Variants in RAP1GDS1 observed in about 807,000 individuals in gnomAD.
RAP1GDS1 encodes the protein RAP1, GTP-GDP dissociation stimulator 1.
Under a neutral mutation model 71.1 loss-of-function variants are expected in RAP1GDS1, and 35 were observed. That is an observed-to-expected ratio of 0.49 (90% CI 0.38 to 0.65). RAP1GDS1 has a LOEUF of 0.65. RAP1GDS1 is among the 30% of genes least tolerant of loss of function. The pLI, the probability that RAP1GDS1 is intolerant of heterozygous loss-of-function variation, is 0.00. For missense variants in RAP1GDS1, 663 were observed against 706.1 expected (o/e 0.94, Z 0.69); for synonymous variants, 229 against 243.1 (o/e 0.94, Z 0.54).
At position 98,416,847 on chromosome 4, in the gene RAP1GDS1, T is replaced by C. The variant is rs1216561255; in HGVS notation, c.866T>C (p.Leu289Pro). The stretch of plus-strand genomic sequence containing the variant: ...GACAAAGAAGATGATATTACTGAGC[T>C]CAAAACTGGTTCAGATCTCATGGTT... ...DSDKEDDITE[L>P]KTGSDLMVLL... The change falls in exon 8 of 15, where the codon CTC (leucine) becomes CCC (proline). Residue 289 changes from leucine (L) to proline (P), a missense_variant. Coordinates refer to ENST00000408927, the MANE Select transcript of RAP1GDS1 (RefSeq NM_001100427.2). The C allele has an allele frequency of 6.2e-7, 1 of 1,614,060 alleles. No individual in the cohort carries two copies. Among genetic ancestry groups the C allele is most frequent in the Non-Finnish European group, 8.5e-7 (1 of 1,179,958 alleles).
intron 1 of RAP1GDS1, among the ~76,000 whole-genome samples, chr4:98,279,066 C>CA (rs1234049919): frequency 1.3e-5 from 2 of 151,710 alleles, no homozygotes; most frequent in Admixed American, 6.6e-5. Context: ...ACTAAAAATA[C>CA]AAAAAAAATT....
intron 4 of RAP1GDS1, among the ~76,000 whole-genome samples, chr4:98,356,247 C>G (rs1353754990): frequency 6.6e-6 from 1 of 151,920 alleles, no homozygotes; most frequent in Non-Finnish European, 1.5e-5. Context: ...TGCCTTTGGC[C>G]TATTTACACT....
rs368609477 is a variant in RAP1GDS1 at position 98,404,618 on chromosome 4, G to A, written c.763+16G>A. On this transcript the variant is annotated intron_variant, in intron 7 of 14. Coordinates refer to ENST00000408927, the MANE Select transcript of RAP1GDS1 (RefSeq NM_001100427.2). ...GCAGAAAATGGTGAGAAACTTAAAT[G>A]CACCTTTGGATTTTTGATCATGTAT... 8.8e-6 allele frequency: 14 copies of A among 1,594,732 alleles called. No individual in the cohort carries two copies. The highest frequency in any genetic ancestry group is 1.2e-5 in the South Asian group (1 of 86,614).
intron 4 of RAP1GDS1, among the ~76,000 whole-genome samples, chr4:98,375,172 T>G (rs1740986780): frequency 6.6e-6 from 1 of 152,044 alleles, no homozygotes. Flanking sequence ...AGGAGGACAT[T>G]TTTGCCTCTT....
intron 1 of RAP1GDS1, among the ~76,000 whole-genome samples, chr4:98,281,408 TTGTC>T (rs1725078362): frequency 6.6e-6 from 1 of 151,876 alleles, no homozygotes; most frequent in South Asian, 2.1e-4. Flanking sequence ...ATTTGGCTGT[TTGTC>T]TGTTATTGGT....
chr4:98,328,227 A>G (rs964720936), intron 2 of RAP1GDS1, among the ~76,000 whole-genome samples: 2 of 152,234 alleles, frequency 1.3e-5, no homozygotes, highest in Non-Finnish European at 2.9e-5. Context: ...CAGTTGATAC[A>G]AAAAGATCTC....
intron 4 of RAP1GDS1, among the ~76,000 whole-genome samples, chr4:98,364,302 C>T (rs762635393): frequency 5.9e-5 from 9 of 151,926 alleles, no homozygotes; most frequent in Non-Finnish European, 1.2e-4. Flanking sequence ...TAGTTTTTTA[C>T]GTAGGAGGGA....
At chr4:98,341,574 A>G (rs1735508349) in intron 2 of RAP1GDS1, among the ~76,000 whole-genome samples, 1 of 152,218 alleles carries the variant, frequency 6.6e-6, no homozygotes, top group Non-Finnish European at 1.5e-5. Context: ...CTGTCATCCC[A>G]GTACCAGCAG....
At chr4:98,300,422 C>T (rs115694681) in intron 2 of RAP1GDS1, among the ~76,000 whole-genome samples, 3,275 of 148,214 alleles carry the variant, frequency 0.022, 126 homozygotes, top group African/African-American at 0.074. Context: ...TTTTTTGAGG[C>T]GGAGTCTTGC....
chr4:98,293,084 T>C (rs149324288), intron 1 of RAP1GDS1, among the ~76,000 whole-genome samples: 99 of 152,292 alleles, frequency 6.5e-4, no homozygotes, highest in African/African-American at 2.2e-3. Flanking sequence ...TTTATGAACA[T>C]TTAATTTTTC....
intron 2 of RAP1GDS1, among the ~76,000 whole-genome samples, chr4:98,303,627 A>AGTAAT (rs1553965663): frequency 9.9e-5 from 14 of 141,332 alleles, no homozygotes; most frequent in African/African-American, 3.6e-4. Context: ...GTAAATTAAT[A>AGTAAT]ATAATATAAT....
At chr4:98,287,381 C>G (rs575924153) in intron 1 of RAP1GDS1, among the ~76,000 whole-genome samples, 4 of 152,086 alleles carry the variant, frequency 2.6e-5, no homozygotes, top group African/African-American at 7.2e-5. Flanking sequence ...ACACATAGGA[C>G]AGGTTGATTA....
chr4:98,438,030 C>T (rs1751382983), intron 14 of RAP1GDS1, among the ~76,000 whole-genome samples: 1 of 151,966 alleles, frequency 6.6e-6, no homozygotes, highest in African/African-American at 2.4e-5. Context: ...GTTGAAGTCT[C>T]CCACTGTAGA....
intron 2 of RAP1GDS1, among the ~76,000 whole-genome samples, chr4:98,335,251 T>C (rs1176744564): frequency 6.6e-6 from 1 of 152,164 alleles, no homozygotes; most frequent in Non-Finnish European, 1.5e-5. Flanking sequence ...GGCTTTTAAT[T>C]AATCATTCTG....
At chr4:98,439,685 C>A (rs546471631) in intron 14 of RAP1GDS1, among the ~76,000 whole-genome samples, 10 of 152,054 alleles carry the variant, frequency 6.6e-5, no homozygotes, top group Admixed American at 2.6e-4. Context: ...TTCCCTTGTC[C>A]CCTCTATTCT....
chr4:98,437,075 ATTC>A lies in RAP1GDS1; in HGVS notation c.1696+12_1696+14del. On this transcript the variant is annotated splice_region_variant and intron_variant, in intron 14 of 14. Coordinates refer to ENST00000408927, the MANE Select transcript of RAP1GDS1 (RefSeq NM_001100427.2). Reference sequence around the variant, plus strand: ...TGTGCTCTTATGGGATCTGGTAAGTATTCTTCTATCATTTGATGTCCATAAACA... The same window carrying A: ...TGTGCTCTTATGGGATCTGGTAAGTATTCTATCATTTGATGTCCATAAACA... 6.3e-7 allele frequency: 1 copy of A among 1,583,250 alleles called. No homozygotes were observed. Among genetic ancestry groups the A allele is most frequent in the South Asian group, 1.2e-5 (1 of 84,808 alleles).
chr4:98,430,107 A>G (rs145456554), intron 12 of RAP1GDS1, among the ~76,000 whole-genome samples: 114 of 152,208 alleles, frequency 7.5e-4, no homozygotes, highest in Non-Finnish European at 1.4e-3. Flanking sequence ...CTTCTCGCCC[A>G]TCCCCGAAAA....
At chr4:98,375,845 G>A (rs1416518537) in intron 4 of RAP1GDS1, among the ~76,000 whole-genome samples, 1 of 152,138 alleles carries the variant, frequency 6.6e-6, no homozygotes, top group African/African-American at 2.4e-5. Flanking sequence ...AAGTTAGGAT[G>A]CACTGTACGA....
intron 1 of RAP1GDS1, among the ~76,000 whole-genome samples, chr4:98,290,442 G>T (rs756331966): frequency 6.6e-6 from 1 of 152,026 alleles, no homozygotes; most frequent in Non-Finnish European, 1.5e-5. Flanking sequence ...TATTAAAACA[G>T]CATCACTTTC....
Sources: allele counts gnomAD v4.1 joint callset (sites outside exome capture counted in the v4.1 genomes callset), GRCh38; gene constraint gnomAD v4.1.1; transcripts MANE v1.5; gene names NCBI Gene and HGNC (gene_info 2026-07-23, HGNC 2026-07-21).